Variants in CCDC50 observed in about 807,000 individuals in gnomAD.
The protein encoded by CCDC50 is coiled-coil domain-containing protein 50.
A neutral mutation model predicts 70.2 loss-of-function variants in CCDC50; 54 were observed. The ratio of observed to expected loss-of-function variants is 0.77; its 90% confidence interval spans 0.62 to 0.96. The LOEUF is 0.96. Among genes scored for constraint, CCDC50 ranks in the 50% least tolerant of loss-of-function variants. The probability of loss-of-function intolerance (pLI) is 0.00; values close to 1 mark genes in which losing one functional copy is unlikely to be tolerated. For synonymous variants in CCDC50, 216 were observed against 198.8 expected (o/e 1.09, Z -0.73); for missense variants, 558 against 578.7 (o/e 0.96, Z 0.37).
At chr3:191,370,121 G>C in intron 5 of CCDC50, 85 bp downstream of exon 5, 1 of 902,518 alleles carries the variant, frequency 1.1e-6, no homozygotes, top group Non-Finnish European at 1.8e-6. Context: ...AGTGACCTTA[G>C]GGACCTGGGA....
Position 191,381,608 on chromosome 3 carries a change from G to C in CCDC50, c.1242+676G>C, listed in dbSNP as rs185101287. On this transcript the variant is annotated intron_variant, in intron 9 of 11. Transcript: ENST00000392455. ...CTTTGGACCTCCATGGAAAGACAAA[G>C]ACATTTTTCCTGATAGTAGTGTATA... Among the ~76,000 whole-genome samples the C allele has an allele frequency of 5.9e-5, 9 of 152,242 alleles. No homozygotes were observed. The East Asian group carries it at 1.5e-3, about 26-fold the overall frequency.
At chr3:191,380,121 G>A (rs751213764) in intron 6 of CCDC50, 38 bp from the exon 7 acceptor site, 8 of 1,264,776 alleles carry the variant, frequency 6.3e-6, no homozygotes, top group Non-Finnish European at 6.7e-6. Context: ...AACATCCTCG[G>A]TTGTTTTATT....
chr3:191,366,860 G>T (rs1712710850), intron 4 of CCDC50, among the ~76,000 whole-genome samples: 1 of 151,992 alleles, frequency 6.6e-6, no homozygotes, highest in South Asian at 2.1e-4. Context: ...GAGGACCAAG[G>T]AGATTGTTTA....
At chr3:191,387,430 A>C (rs1713534421) in intron 10 of CCDC50, among the ~76,000 whole-genome samples, 1 of 152,164 alleles carries the variant, frequency 6.6e-6, no homozygotes, top group Non-Finnish European at 1.5e-5. Context: ...TCTAACTTGG[A>C]TATATATGCT....
rs989470545 is a variant in CCDC50 at position 191,394,072 on chromosome 3, G to A, written c.*2312G>A. On this transcript the variant is annotated 3_prime_UTR_variant, in exon 12 of 12. Transcript: ENST00000392455. Reference sequence around the variant, plus strand: ...GAGATACTGCATTCAAAAAAAAGTCGGACCACTTAACACTTACCAGGAATG... The same window carrying A: ...GAGATACTGCATTCAAAAAAAAGTCAGACCACTTAACACTTACCAGGAATG... 2.0e-5 allele frequency: 3 copies of A among 151,788 alleles called. No individual in the cohort carries two copies. The highest frequency in any genetic ancestry group is 4.4e-5 in the Non-Finnish European group (3 of 67,932). The allele number at this position is 151,788 out of a possible 1,614,324, so 9.4% of individuals were successfully genotyped here.
rs1713885123 is a variant in CCDC50 at position 191,397,085 on chromosome 3, T to A, written c.*5325T>A. The A allele has an allele frequency of 6.6e-6, 1 of 152,190 alleles. No individual in the cohort carries two copies. Among genetic ancestry groups the A allele is most frequent in the East Asian group, 1.9e-4 (1 of 5,202 alleles). The allele number at this position is 152,190 out of a possible 1,614,324, so 9.4% of individuals were successfully genotyped here. ...AACTTAATGCCCTGTTATTCATTGC[T>A]GAGGTTCATATAAAGAATAGAAAAA... On this transcript the variant is annotated 3_prime_UTR_variant, in exon 12 of 12. Transcript: ENST00000392455.
rs1711960769 is a variant in CCDC50 at position 191,347,342 on chromosome 3, G to T, written c.50-9746G>T. ...GCAACTACAGGGGAGTTCTAAGGAT[G>T]TGGGGCAGTTTTCTCAAACCAGTAA... On this transcript the variant is annotated intron_variant, in intron 1 of 11. Transcript: ENST00000392455. Among the ~76,000 whole-genome samples, 4 of 141,744 alleles carry T rather than the reference G, an allele frequency of 2.8e-5. 1 individual carries two copies. Among genetic ancestry groups the T allele is most frequent in the Non-Finnish European group, 1.6e-5 (1 of 62,962 alleles). 93.0% of individuals were successfully genotyped at this position (141,744 alleles called of 152,430 possible).
intron 1 of CCDC50, among the ~76,000 whole-genome samples, chr3:191,335,482 A>G (rs538598801): frequency 2.1e-4 from 32 of 152,314 alleles, no homozygotes; most frequent in East Asian, 1.7e-3. Flanking sequence ...TTTGGGGATT[A>G]CTTGGATGTT....
Position 191,348,173 on chromosome 3 carries a change from G to T in CCDC50, c.50-8915G>T. ...CTACATAGGTGACATTTGAATGGGGGTCTTGTAGGTTGATTGTGAATTTTC... is the reference window on the plus strand; with the variant it reads ...CTACATAGGTGACATTTGAATGGGGTTCTTGTAGGTTGATTGTGAATTTTC... On this transcript the variant is annotated intron_variant, in intron 1 of 11. Transcript: ENST00000392455. Among the ~76,000 whole-genome samples the T allele has an allele frequency of 1.4e-5, 2 of 141,946 alleles. 1 individual carries two copies. The highest frequency in any genetic ancestry group is 3.2e-5 in the Non-Finnish European group (2 of 62,964). 93.1% of individuals were successfully genotyped at this position (141,946 alleles called of 152,430 possible).
intron 1 of CCDC50, among the ~76,000 whole-genome samples, chr3:191,343,676 A>G (rs1711812411): frequency 6.6e-6 from 1 of 152,196 alleles, no homozygotes. Context: ...GGAGACAAGA[A>G]ATCTAGGAGA....
intron 1 of CCDC50, 90 bp downstream of exon 1, chr3:191,329,813 G>A: frequency 7.2e-7 from 1 of 1,391,410 alleles, no homozygotes; most frequent in Non-Finnish European, 9.9e-7. Flanking sequence ...TTCGGCTCCC[G>A]CGGCCCTCGC....
chr3:191,364,695 T>A (rs1408975280), intron 4 of CCDC50, among the ~76,000 whole-genome samples: 1 of 152,092 alleles, frequency 6.6e-6, no homozygotes, highest in African/African-American at 2.4e-5. Context: ...ATGGTATAAT[T>A]TTATTATGTT....
At chr3:191,382,395 T>G (rs1014325032) in intron 9 of CCDC50, among the ~76,000 whole-genome samples, 1 of 152,148 alleles carries the variant, frequency 6.6e-6, no homozygotes, top group African/African-American at 2.4e-5. Flanking sequence ...TGGCAATTAC[T>G]GTGTAGCTAT....
rs1713843094 is a variant in CCDC50 at position 191,395,844 on chromosome 3, TG to T, written c.*4086del. The T allele has an allele frequency of 6.6e-6, 1 of 152,212 alleles. No individual in the cohort carries two copies. 9.4% of individuals were successfully genotyped at this position (152,212 alleles called of 1,614,324 possible). ...TAAAATGGTCCAATTTTCTCATTTC[TG>T]GTGGTGCCTGTGAGTCTTAAAGCCA... On this transcript the variant is annotated 3_prime_UTR_variant, in exon 12 of 12. Transcript: ENST00000392455.
At chr3:191,352,114 A>C (rs572769919) in intron 1 of CCDC50, among the ~76,000 whole-genome samples, 1 of 142,074 alleles carries the variant, frequency 7.0e-6, no homozygotes, top group East Asian at 1.9e-4. Context: ...GACTTCAAAG[A>C]ATTTTCTTTA....
intron 1 of CCDC50, among the ~76,000 whole-genome samples, chr3:191,345,504 C>A (rs900414014): frequency 2.0e-5 from 3 of 152,110 alleles, no homozygotes; most frequent in African/African-American, 7.2e-5. Flanking sequence ...TCTGACTCAG[C>A]CATTTTCTCT....
At chr3:191,339,056 A>C (rs1054684647) in intron 1 of CCDC50, among the ~76,000 whole-genome samples, 4 of 152,200 alleles carry the variant, frequency 2.6e-5, no homozygotes, top group Admixed American at 6.5e-5. Flanking sequence ...AAACAAGTCA[A>C]ACATAGCATG....
rs550933545 is a variant in CCDC50, at chr3:191,395,897, A to T, written c.*4137A>T. ...ATCTGCTTATCTTACTGTTGATAGA[A>T]TACTTTTTTTCTTTTTAGCCCATGA... On this transcript the variant is annotated 3_prime_UTR_variant, in exon 12 of 12. Transcript: ENST00000392455. The T allele has an allele frequency of 2.0e-5, 3 of 152,288 alleles. No homozygotes were observed. Among genetic ancestry groups the T allele is most frequent in the Admixed American group, 6.5e-5 (1 of 15,288 alleles). 9.4% of individuals were successfully genotyped at this position (152,288 alleles called of 1,614,324 possible).
intron 4 of CCDC50, among the ~76,000 whole-genome samples, chr3:191,364,029 T>A (rs181157898): frequency 7.2e-5 from 11 of 152,172 alleles, no homozygotes; most frequent in Admixed American, 7.2e-4. Flanking sequence ...TCCGGCCAAT[T>A]TTTGAAAAAG....
Sources: gnomAD v4.1 joint callset for allele counts (sites outside exome capture counted in the v4.1 genomes callset) on GRCh38, gnomAD v4.1.1 for gene constraint, MANE v1.5 for transcripts, NCBI Gene and HGNC (gene_info 2026-07-23, HGNC 2026-07-21) for gene names.